Variants in RNF212B observed in about 807,000 individuals in gnomAD.
The protein encoded by RNF212B is E3 ubiquitin-protein ligase RNF212B.
In RNF212B, 52 loss-of-function variants were observed where a neutral mutation model predicts 55.5. The ratio of observed to expected loss-of-function variants is 0.94; its 90% CI spans 0.75 to 1.18. RNF212B has a LOEUF of 1.18. Ranked by LOEUF, RNF212B falls within the 50% of genes most tolerant of loss-of-function variation. The pLI is 0.00. For missense variants in RNF212B, 289 were observed against 350.4 expected, an observed-to-expected ratio of 0.82 and a Z score of 1.40; for synonymous variants, 99 against 121.4, an observed-to-expected ratio of 0.82 and a Z score of 1.21.
rs992846665 is a variant in RNF212B, at chr14:23,273,027, A to G, written c.*136A>G. The G allele has an allele frequency of 1.8e-5, 10 of 549,966 alleles. No homozygotes were observed. The highest frequency in any genetic ancestry group is 4.0e-5 in the African/African-American group (2 of 50,524). 34.1% of individuals were successfully genotyped at this position (549,966 alleles called of 1,614,324 possible). On this transcript the variant is annotated 3_prime_UTR_variant, in exon 15 of 15. Coordinates refer to ENST00000430154, the MANE Select transcript of RNF212B (RefSeq NM_001282322.3). ...TCACTCTGTACCTTATGCTCCCCCC[A>G]TCTTTACCCTATTCACCCTTATCAC...
chr14:23,191,531 G>A (rs1023599214), intron 1 of RNF212B, among the ~76,000 whole-genome samples: 1 of 152,020 alleles, frequency 6.6e-6, no homozygotes, highest in Admixed American at 6.6e-5. Context: ...AGGGGGTAAT[G>A]ATATTACAGT....
In RNF212B at chr14:23,216,817, T is replaced by C. The variant is rs1881117599; in HGVS notation, c.-2+23416T>C. 3.8e-5 allele frequency among the ~76,000 whole-genome samples: 5 copies of C among 131,230 alleles called. No homozygotes were observed. The South Asian group carries it at 1.2e-3, about 31-fold the overall frequency. 86.1% of individuals were successfully genotyped at this position (131,230 alleles called of 152,430 possible). ...ATTGCTCAAGCCTGGGGAACAGAGG[T>C]TGCAGTGAGCTGAGATTGCCCTACT... On this transcript the variant is annotated intron_variant, in intron 2 of 15. Transcript: ENST00000399910.
chr14:23,208,374 G>A (rs1205469134), intron 2 of RNF212B, among the ~76,000 whole-genome samples: 1 of 152,128 alleles, frequency 6.6e-6, no homozygotes, highest in Non-Finnish European at 1.5e-5. Flanking sequence ...GTGTGTGCCT[G>A]TAGTTCTAGC....
chr14:23,231,254 C>A lies in RNF212B; in HGVS notation c.-1-9091C>A, dbSNP rs1398453629. Among the ~76,000 whole-genome samples, 5 of 152,112 alleles carry A rather than the reference C, an allele frequency of 3.3e-5. No individual in the cohort carries two copies. The East Asian group carries it at 9.6e-4, about 29-fold the overall frequency. ...GTTCTATGTACAAACAAGTCTTGTG[C>A]CTCTCCTTGATTAAATTTATTCCTA... On this transcript the variant is annotated intron_variant, in intron 2 of 15. Transcript: ENST00000399910.
chr14:23,240,034 C>CAAAA (rs5807213), intron 1 of RNF212B, among the ~76,000 whole-genome samples: 2 of 138,326 alleles, frequency 1.4e-5, no homozygotes. Flanking sequence ...CCTCACCACT[C>CAAAA]AAAAAAAAAA....
Position 23,204,478 on chromosome 14 carries a change from AGT to A in RNF212B, c.-2+11080_-2+11081del, listed in dbSNP as rs566374009. Among the ~76,000 whole-genome samples, 307 of 152,304 alleles carry A rather than the reference AGT, an allele frequency of 2.0e-3. 2 individuals carry two copies. The highest frequency in any genetic ancestry group is 6.9e-3 in the African/African-American group (286 of 41,570). ...ATTATCCCAGCGCCATTTATTAAAA[AGT>A]GTCCTTTCCCCACTTTATGTTTTTG... On this transcript the variant is annotated intron_variant, in intron 2 of 15. Coordinates refer to the RNF212B transcript ENST00000399910.
At chr14:23,208,756 C>CTTTTTTTTT in intron 2 of RNF212B, among the ~76,000 whole-genome samples, 1 of 43,034 alleles carries the variant, frequency 2.3e-5, no homozygotes, top group African/African-American at 7.6e-5. Flanking sequence ...TGCTGGTTGC[C>CTTTTTTTTT]GTTTTTTTTT....
chr14:23,197,719 A>G (rs1878859459), intron 2 of RNF212B, among the ~76,000 whole-genome samples: 1 of 152,088 alleles, frequency 6.6e-6, no homozygotes, highest in Non-Finnish European at 1.5e-5. Context: ...AGATTCTACA[A>G]TTATCAAGAT....
rs765122554 is a variant in RNF212B at position 23,269,951 on chromosome 14, A to G, written c.763A>G (p.Asn255Asp). ...AGGCCACACAAGAGTCCTCACCCCC[A>G]ACAATTTTGGTAAGTTAAATAACAT... Reference protein sequence around the residue: ...HSGHTRVLTPNNFAQRESTTT... With the variant: ...HSGHTRVLTPDNFAQRESTTT... The change falls in exon 13 of 15, where the codon AAC becomes GAC. Residue 255 changes from asparagine (N) to aspartate (D), a missense_variant. Transcript: ENST00000430154. 6.5e-7 allele frequency: 1 copy of G among 1,534,940 alleles called. No homozygotes were observed. The highest frequency in any genetic ancestry group is 1.2e-5 in the South Asian group (1 of 83,728).
At chr14:23,229,220 T>TTG (rs1183907201) in intron 2 of RNF212B, among the ~76,000 whole-genome samples, 1 of 65,036 alleles carries the variant, frequency 1.5e-5, no homozygotes, top group Admixed American at 2.1e-4. Context: ...GAATAATATT[T>TTG]TATATATATA....
intron 4 of RNF212B, among the ~76,000 whole-genome samples, chr14:23,251,553 C>T (rs1271251388): frequency 6.6e-6 from 1 of 152,188 alleles, no homozygotes; most frequent in Admixed American, 6.5e-5. Context: ...CAGTGGCTCA[C>T]GCCTGTAATC....
At chr14:23,190,338 A>T (rs1878006118) in intron 1 of RNF212B, among the ~76,000 whole-genome samples, 1 of 152,216 alleles carries the variant, frequency 6.6e-6, no homozygotes, top group African/African-American at 2.4e-5. Flanking sequence ...GGTGTTTAAT[A>T]GGCACCTCTA....
chr14:23,270,047 G>A, intron 13 of RNF212B, 87 bp downstream of exon 13: 1 of 793,788 alleles, frequency 1.3e-6, no homozygotes, highest in Admixed American at 2.2e-5. Flanking sequence ...ACAAGATGTT[G>A]AGGTTTGCCC....
intron 11 of RNF212B, among the ~76,000 whole-genome samples, chr14:23,265,976 T>C (rs1036162332): frequency 6.6e-6 from 1 of 152,172 alleles, no homozygotes; most frequent in African/African-American, 2.4e-5. Context: ...AGGTTGTTTG[T>C]TCATTTGTGT....
chr14:23,193,867 G>A (rs1455713193), intron 2 of RNF212B, among the ~76,000 whole-genome samples: 1 of 152,062 alleles, frequency 6.6e-6, no homozygotes, highest in Non-Finnish European at 1.5e-5. Flanking sequence ...CTGAGATGGA[G>A]TGTCACTCTT....
chr14:23,228,571 C>G (rs1419121179), intron 2 of RNF212B, among the ~76,000 whole-genome samples: 1 of 151,260 alleles, frequency 6.6e-6, no homozygotes, highest in African/African-American at 2.4e-5. Flanking sequence ...ATCACTTGAG[C>G]CCAGGACTTC....
chr14:23,223,767 G>T (rs10139654), intron 2 of RNF212B, among the ~76,000 whole-genome samples: 12,676 of 152,096 alleles, frequency 0.083, 719 homozygotes, highest in African/African-American at 0.16. Flanking sequence ...AAGAAATAAA[G>T]GGCATCCAAA....
At chr14:23,241,160 A>C (rs1883537724) in intron 2 of RNF212B, among the ~76,000 whole-genome samples, 1 of 152,154 alleles carries the variant, frequency 6.6e-6, no homozygotes, top group Non-Finnish European at 1.5e-5. Context: ...AGGGTTTTGA[A>C]TGATAAAATG....
chr14:23,212,049 C>A (rs73600489), intron 2 of RNF212B, among the ~76,000 whole-genome samples: 5,898 of 152,216 alleles, frequency 0.039, 391 homozygotes, highest in African/African-American at 0.13. Context: ...ATTATATTAA[C>A]AGATACAGCA....
Sources: allele counts gnomAD v4.1 joint callset (sites outside exome capture counted in the v4.1 genomes callset), GRCh38; gene constraint gnomAD v4.1.1; transcripts MANE v1.5; gene names NCBI Gene and HGNC (gene_info 2026-07-23, HGNC 2026-07-21).